The following CHL1 variants were observed in gnomAD, a reference collection of about 807,000 sequenced individuals.
The protein encoded by CHL1 is neural cell adhesion molecule L1-like protein.
A neutral mutation model predicts 141.9 loss-of-function variants in CHL1; 96 were observed. That is an observed-to-expected ratio of 0.68 (90% CI 0.57 to 0.80). The LOEUF (loss-of-function observed/expected upper bound fraction) is 0.80. Among genes scored for constraint, CHL1 ranks in the 30% least tolerant of loss-of-function variants. The probability of loss-of-function intolerance (pLI) is 0.00; values close to 1 mark genes in which losing one functional copy is unlikely to be tolerated. For synonymous variants in CHL1, 613 were observed against 502.2 expected (o/e 1.22, Z -2.95); for missense variants, 1,820 against 1,457.2 (o/e 1.25, Z -4.05).
rs769998743 is a variant in CHL1, at chr3:349,396, G to T, written c.886G>T (p.Asp296Tyr). Residue 296 changes from aspartate to tyrosine, a missense_variant, in exon 10 of 28, where the codon GAC becomes TAC. Asp to Tyr is a radical substitution (Grantham distance 160, BLOSUM62 -3). Coordinates refer to ENST00000256509, the MANE Select transcript of CHL1 (RefSeq NM_006614.4). Reference protein sequence around the residue: ...PQVDWNKIGGDLPKGRETKEN... With the variant: ...PQVDWNKIGGYLPKGRETKEN... The stretch of plus-strand genomic sequence containing the variant: ...GGTTGATTGGAACAAAATTGGTGGT[G>T]ACTTACCAAAGGGGAGAGAAACAAA... 1.2e-6 allele frequency: 2 copies of T among 1,613,748 alleles called. No individual in the cohort carries two copies. Among genetic ancestry groups the T allele is most frequent in the Non-Finnish European group, 1.7e-6 (2 of 1,179,834 alleles).
chr3:275,304 A>G (rs550768488), intron 2 of CHL1, among the ~76,000 whole-genome samples: 8 of 152,212 alleles, frequency 5.3e-5, no homozygotes, highest in Non-Finnish European at 8.8e-5. Context: ...TTCAAACTTC[A>G]TATTCACTGG....
intron 3 of CHL1, among the ~76,000 whole-genome samples, chr3:323,652 T>C (rs987208443): frequency 1.3e-5 from 2 of 152,156 alleles, no homozygotes; most frequent in African/African-American, 4.8e-5. Context: ...TCTTTATATC[T>C]TTGAACAAAT....
chr3:290,935 CAAA>C (rs11328876), intron 2 of CHL1, among the ~76,000 whole-genome samples: 4 of 91,838 alleles, frequency 4.4e-5, no homozygotes, highest in African/African-American at 6.4e-5. Flanking sequence ...GACTCTGTCT[CAAA>C]AAAAAAAAAA....
intron 4 of CHL1, among the ~76,000 whole-genome samples, chr3:326,741 G>T (rs907901450): frequency 6.6e-6 from 1 of 151,630 alleles, no homozygotes; most frequent in Non-Finnish European, 1.5e-5. Context: ...AAAACTCTAC[G>T]TGATTCTAAA....
chr3:299,103 G>T (rs1234962837), intron 2 of CHL1, among the ~76,000 whole-genome samples: 1 of 152,260 alleles, frequency 6.6e-6, no homozygotes, highest in Admixed American at 6.5e-5. Context: ...GACATTATCT[G>T]ACGTGAAATG....
In CHL1 at chr3:409,369, A is replaced by G. The variant is rs1231227330; in HGVS notation, c.*3658A>G. ...TGGTTTGAAAATATTTTCATTATAC[A>G]TGAAATTCAACTTTCCAAATAAAAG... On this transcript the variant is annotated 3_prime_UTR_variant, in exon 28 of 28. Coordinates refer to ENST00000256509, the MANE Select transcript of CHL1 (RefSeq NM_006614.4). 2.0e-5 allele frequency: 3 copies of G among 152,074 alleles called. No homozygotes were observed. The highest frequency in any genetic ancestry group is 4.1e-4 in the South Asian group (2 of 4,828). 9.4% of individuals were successfully genotyped at this position (152,074 alleles called of 1,614,324 possible). A position where few individuals can be genotyped will look rare whatever the true frequency, so the allele number is the denominator to read the frequency against.
At chr3:302,242 A>G (rs1698817338) in intron 2 of CHL1, among the ~76,000 whole-genome samples, 1 of 152,104 alleles carries the variant, frequency 6.6e-6, no homozygotes, top group Non-Finnish European at 1.5e-5. Context: ...ATGATTTATA[A>G]TTCTTTGGGT....
At chr3:335,764 C>T (rs1701816747) in intron 5 of CHL1, among the ~76,000 whole-genome samples, 1 of 152,206 alleles carries the variant, frequency 6.6e-6, no homozygotes, top group Non-Finnish European at 1.5e-5. Context: ...TCTACCTCCT[C>T]TGAAAATGTT....
At chr3:369,469 A>C (rs1705342847) in intron 15 of CHL1, among the ~76,000 whole-genome samples, 1 of 152,228 alleles carries the variant, frequency 6.6e-6, no homozygotes, top group African/African-American at 2.4e-5. Context: ...GACATTGCTA[A>C]AATTGCTTAT....
intron 5 of CHL1, among the ~76,000 whole-genome samples, chr3:332,074 A>G (rs1275509808): frequency 2.0e-5 from 3 of 152,216 alleles, no homozygotes; most frequent in African/African-American, 7.2e-5. Context: ...TCCGTTCCCT[A>G]GCTCATGTGC....
chr3:270,396 C>T (rs985394648), intron 2 of CHL1, among the ~76,000 whole-genome samples: 1 of 152,142 alleles, frequency 6.6e-6, no homozygotes, highest in Non-Finnish European at 1.5e-5. Flanking sequence ...TTATTTCTAA[C>T]CAATCATAGG....
chr3:338,576 T>G (rs1306549547), intron 5 of CHL1, among the ~76,000 whole-genome samples: 6 of 152,158 alleles, frequency 3.9e-5, no homozygotes, highest in Non-Finnish European at 8.8e-5. Flanking sequence ...AGTTTCAGAG[T>G]CAAAGGATAA....
At chr3:311,784 G>A (rs1366919673) in intron 2 of CHL1, among the ~76,000 whole-genome samples, 1 of 152,152 alleles carries the variant, frequency 6.6e-6, no homozygotes, top group Non-Finnish European at 1.5e-5. Context: ...CTTAAGTTTT[G>A]TGCATTTTAG....
At chr3:337,524 A>G (rs879801351) in intron 5 of CHL1, among the ~76,000 whole-genome samples, 6 of 59,432 alleles carry the variant, frequency 1.0e-4, no homozygotes, top group Non-Finnish European at 1.4e-4. Flanking sequence ...CTCTCCCCCC[A>G]CCCCACAACA....
intron 2 of CHL1, among the ~76,000 whole-genome samples, chr3:285,833 A>T (rs1000371948): frequency 2.6e-5 from 4 of 152,098 alleles, no homozygotes; most frequent in African/African-American, 9.7e-5. Flanking sequence ...ATCACTGCTA[A>T]TTATGAAAAA....
At chr3:250,471 T>C (rs1181831109) in intron 2 of CHL1, among the ~76,000 whole-genome samples, 1 of 152,112 alleles carries the variant, frequency 6.6e-6, no homozygotes, top group Non-Finnish European at 1.5e-5. Context: ...AGATTAGGGT[T>C]ATTTTTAGTA....
chr3:341,411 T>G (rs530488160), intron 6 of CHL1, among the ~76,000 whole-genome samples: 10 of 152,188 alleles, frequency 6.6e-5, no homozygotes, highest in Non-Finnish European at 1.3e-4. Flanking sequence ...TACTCTTAGG[T>G]ACAGCCAATT....
At chr3:314,511 T>C (rs1170778847) in intron 2 of CHL1, among the ~76,000 whole-genome samples, 1 of 151,842 alleles carries the variant, frequency 6.6e-6, no homozygotes, top group Non-Finnish European at 1.5e-5. Context: ...GTCTACTGTT[T>C]CTTTGGGAGA....
chr3:366,172 T>A, intron 15 of CHL1, 57 bp downstream of exon 15: 1 of 1,546,722 alleles, frequency 6.5e-7, no homozygotes, highest in Non-Finnish European at 8.8e-7. Flanking sequence ...AACTTGCATT[T>A]GATTTAAAAA....
Sources: gnomAD v4.1 joint callset for allele counts (sites outside exome capture counted in the v4.1 genomes callset) on GRCh38, gnomAD v4.1.1 for gene constraint, MANE v1.5 for transcripts, NCBI Gene and HGNC (gene_info 2026-07-23, HGNC 2026-07-21) for gene names.